The following DNAH11 variants were observed in gnomAD, a reference collection of about 807,000 sequenced individuals.
The protein encoded by DNAH11 is axonemal beta dynein heavy chain 11.
In DNAH11, 442 loss-of-function variants were observed where a neutral mutation model predicts 526.0. The observed-to-expected ratio is 0.84, with a 90% CI of 0.78 to 0.91. The LOEUF (loss-of-function observed/expected upper bound fraction) is 0.91, where lower values mean the gene tolerates loss of function less well. Among genes scored for constraint, DNAH11 ranks in the 40% least tolerant of loss-of-function variants. DNAH11 has a pLI of 0.00. For missense variants in DNAH11, 6,989 were observed against 5,448.7 expected, an observed-to-expected ratio of 1.28 and a Z score of -8.90; for synonymous variants, 2,461 against 1,935.9, an observed-to-expected ratio of 1.27 and a Z score of -7.12.
intron 28 of DNAH11, among the ~76,000 whole-genome samples, chr7:21,641,002 G>A (rs567492648): frequency 3.9e-4 from 59 of 152,280 alleles, no homozygotes; most frequent in Middle Eastern, 3.4e-3. Flanking sequence ...TGGATTTCTG[G>A]TGGAACAAGT....
intron 61 of DNAH11, among the ~76,000 whole-genome samples, chr7:21,792,589 C>A (rs972345286): frequency 6.6e-6 from 1 of 151,952 alleles, no homozygotes; most frequent in East Asian, 1.9e-4. Context: ...CTGGTTTGTT[C>A]GGGTTTTCTA....
chr7:21,670,904 G>T (rs768837907), intron 30 of DNAH11, among the ~76,000 whole-genome samples: 1 of 151,472 alleles, frequency 6.6e-6, no homozygotes, highest in Non-Finnish European at 1.5e-5. Context: ...ATTTTTGGCT[G>T]GATTCTATTT....
rs187241712 is a variant in DNAH11, at chr7:21,555,412, G to T, written c.496-3390G>T. ...CTCTTTCCTTTGGCCCATAGGCCTA[G>T]AATTTCTGTCTCCCATTTTTGGTCA... On this transcript the variant is annotated intron_variant, in intron 2 of 81. Coordinates refer to ENST00000409508, the MANE Select transcript of DNAH11 (RefSeq NM_001277115.2). 2.6e-3 allele frequency among the ~76,000 whole-genome samples: 400 copies of T among 152,338 alleles called. 2 individuals are homozygous for T. Among genetic ancestry groups the T allele is most frequent in the African/African-American group, 9.1e-3 (379 of 41,582 alleles).
At chr7:21,641,604 A>G (rs557140191) in intron 28 of DNAH11, among the ~76,000 whole-genome samples, 1 of 152,312 alleles carries the variant, frequency 6.6e-6, no homozygotes, top group East Asian at 1.9e-4. Flanking sequence ...TCATCAAAAA[A>G]TCCTTCATGC....
chr7:21,810,958 G>GA, intron 63 of DNAH11, among the ~76,000 whole-genome samples: 1 of 152,282 alleles, frequency 6.6e-6, no homozygotes, highest in Middle Eastern at 3.4e-3. Flanking sequence ...GTAAAAGTAG[G>GA]AATTCAAACA....
Position 21,558,989 on chromosome 7 carries a change from C to T in DNAH11, c.683C>T (p.Ser228Leu). Residue 228 changes from serine to leucine, a missense_variant, in exon 3 of 82, where the codon TCA (serine) becomes TTA (leucine). Ser to Leu is a moderately radical substitution (Grantham distance 145). Transcript: ENST00000409508. Reference sequence around the variant, plus strand: ...AAGATGGATCTGGATCAGAATTGTTCAGAGAACAAGTACGTAACAGTACAA... The same window carrying T: ...AAGATGGATCTGGATCAGAATTGTTTAGAGAACAAGTACGTAACAGTACAA... Reference protein sequence around the residue: ...AGKMDLDQNCSENKPPSNERI... With the variant: ...AGKMDLDQNCLENKPPSNERI... The T allele has an allele frequency of 6.3e-7, 1 of 1,575,994 alleles. No individual in the cohort carries two copies. Among genetic ancestry groups the T allele is most frequent in the Non-Finnish European group, 8.6e-7 (1 of 1,159,452 alleles).
chr7:21,672,793 C>G (rs1302895977), intron 30 of DNAH11, among the ~76,000 whole-genome samples: 1 of 152,162 alleles, frequency 6.6e-6, no homozygotes, highest in Non-Finnish European at 1.5e-5. Context: ...TGGCCTCTTT[C>G]TACCATGCTG....
intron 6 of DNAH11, 40 bp downstream of exon 6, chr7:21,564,437 C>T: frequency 6.6e-7 from 1 of 1,506,214 alleles, no homozygotes; most frequent in Non-Finnish European, 9.2e-7. Flanking sequence ...AGAATTGTTG[C>T]TGTGAGGTAG....
At chr7:21,864,403 C>CA (rs1424100155) in intron 69 of DNAH11, 132 bp from the exon 70 acceptor site, 1 of 677,604 alleles carries the variant, frequency 1.5e-6, no homozygotes, top group East Asian at 2.9e-5. Context: ...AACAGTAGAA[C>CA]AGATGTCAAG....
chr7:21,816,795 C>G, intron 64 of DNAH11, 93 bp downstream of exon 64: 1 of 953,600 alleles, frequency 1.0e-6, no homozygotes, highest in Non-Finnish European at 1.6e-6. Context: ...GACCTCTCCA[C>G]CACATTGATG....
chr7:21,600,744 C>T lies in DNAH11; in HGVS notation c.3069C>T (p.Val1023=), dbSNP rs1785047784. 1.2e-6 allele frequency: 2 copies of T among 1,613,664 alleles called. No homozygotes were observed. The highest frequency in any genetic ancestry group is 2.7e-5 in the African/African-American group (2 of 74,876). ...RQEIMNRVVN[V]INKVLDFRNT... ...AGATCATGAACAGAGTGGTGAATGT[C>T]ATCAACAAAGTCTTAGATTTCAGAA... Residue 1023 remains valine (V), a synonymous_variant, in exon 16 of 82, where the codon GTC becomes GTT. Transcript: ENST00000409508.
intron 63 of DNAH11, among the ~76,000 whole-genome samples, chr7:21,811,308 T>A (rs1269665290): frequency 6.6e-6 from 1 of 151,674 alleles, no homozygotes; most frequent in East Asian, 1.9e-4. Context: ...TACTAAAAAT[T>A]AGCCAGGCGT....
In DNAH11 at chr7:21,784,051, A is replaced by G. The variant is rs1050262464; in HGVS notation, c.9484-376A>G. ...TCCTAGGAAGAACATTTTGTGGTCT[A>G]GGTTACTAAGCTAGCCCAGATGTTT... On this transcript the variant is annotated intron_variant, in intron 57 of 81. Coordinates refer to ENST00000409508, the MANE Select transcript of DNAH11 (RefSeq NM_001277115.2). 4.6e-5 allele frequency among the ~76,000 whole-genome samples: 7 copies of G among 152,346 alleles called. No individual in the cohort carries two copies. The East Asian group carries it at 1.3e-3, about 29-fold the overall frequency.
intron 28 of DNAH11, among the ~76,000 whole-genome samples, chr7:21,641,781 A>C (rs1562722450): frequency 6.6e-6 from 1 of 152,202 alleles, no homozygotes; most frequent in Non-Finnish European, 1.5e-5. Flanking sequence ...CTTACTGTGA[A>C]TGTCTCCTCA....
rs1249572672 is a variant in DNAH11, at chr7:21,684,815, A to G, written c.5621+871A>G. Among the ~76,000 whole-genome samples the G allele has an allele frequency of 5.9e-5, 9 of 152,234 alleles. No homozygotes were observed. In the East Asian group the frequency reaches 1.5e-3, roughly 26 times the overall value. On this transcript the variant is annotated intron_variant, in intron 32 of 81. Transcript: ENST00000409508. ...TATTGCGGAGATAAGAATATGTCAC[A>G]TTGACGGGAATTTCTTTGTTAGTAT...
At chr7:21,847,887 C>T (rs931035187) in intron 66 of DNAH11, among the ~76,000 whole-genome samples, 23 of 152,068 alleles carry the variant, frequency 1.5e-4, no homozygotes, top group South Asian at 1.5e-3. Context: ...TGCTTTCGAC[C>T]GGGTGCAGTG....
intron 4 of DNAH11, among the ~76,000 whole-genome samples, chr7:21,560,778 C>T (rs997798696): frequency 3.3e-5 from 5 of 152,144 alleles, no homozygotes; most frequent in African/African-American, 9.7e-5. Flanking sequence ...CACAGACACA[C>T]CCAGGAACAA....
At chr7:21,727,609 C>T (rs1583633601) in intron 45 of DNAH11, among the ~76,000 whole-genome samples, 1 of 152,152 alleles carries the variant, frequency 6.6e-6, no homozygotes, top group Non-Finnish European at 1.5e-5. Context: ...ATGTGTTTTC[C>T]TTTTCATATT....
chr7:21,870,313 A>G (rs1783447624), intron 73 of DNAH11, among the ~76,000 whole-genome samples: 1 of 152,154 alleles, frequency 6.6e-6, no homozygotes, highest in Admixed American at 6.5e-5. Flanking sequence ...CTTGAAATGC[A>G]ACTGGATTCA....
Sources: allele counts gnomAD v4.1 joint callset (sites outside exome capture counted in the v4.1 genomes callset), GRCh38; gene constraint gnomAD v4.1.1; transcripts MANE v1.5; gene names NCBI Gene and HGNC (gene_info 2026-07-23, HGNC 2026-07-21).